SLC29A3: variants seen among roughly 807,000 people sequenced by gnomAD.
SLC29A3 encodes solute carrier family 29 member 3, also known as equilibrative nucleoside transporter 3.
SLC29A3 carries 18 observed loss-of-function variants against 25.4 expected under a neutral mutation model. That is an observed-to-expected ratio of 0.71 (90% CI 0.49 to 1.05). The LOEUF (loss-of-function observed/expected upper bound fraction) is 1.05, where lower values mean the gene tolerates loss of function less well. SLC29A3 is among the 50% of genes least tolerant of loss of function. The pLI, the probability that SLC29A3 is intolerant of heterozygous loss-of-function variation, is 0.00. For synonymous variants in SLC29A3, 258 were observed against 267.1 expected, an observed-to-expected ratio of 0.97 and a Z score of 0.33; for missense variants, 586 against 609.0, an observed-to-expected ratio of 0.96 and a Z score of 0.40.
At chr10:71,357,209 A>C (rs2131845759) in intron 5 of SLC29A3, among the ~76,000 whole-genome samples, 1 of 152,148 alleles carries the variant, frequency 6.6e-6, no homozygotes, top group South Asian at 2.1e-4. Flanking sequence ...AGGTCAGGAG[A>C]TCGAGACCAT....
chr10:71,319,648 T>C, intron 1 of SLC29A3: 1 of 302,712 alleles, frequency 3.3e-6, no homozygotes, highest in Non-Finnish European at 6.0e-6. Flanking sequence ...CTGCGGGGCC[T>C]GAGGCTGGGG....
chr10:71,351,381 C>T (rs1400103723), intron 3 of SLC29A3, among the ~76,000 whole-genome samples, 181 bp from the exon 4 acceptor site: 1 of 152,230 alleles, frequency 6.6e-6, no homozygotes, highest in Non-Finnish European at 1.5e-5. Context: ...AACTGAGTCC[C>T]TTACCCAAGG....
chr10:71,335,272 A>T (rs903733029), intron 2 of SLC29A3, among the ~76,000 whole-genome samples: 3 of 152,024 alleles, frequency 2.0e-5, no homozygotes, highest in African/African-American at 7.2e-5. Flanking sequence ...ACCCCTCTTT[A>T]GGCAGCTGCC....
intron 2 of SLC29A3, among the ~76,000 whole-genome samples, chr10:71,333,486 A>G (rs1199463867): frequency 6.6e-6 from 1 of 152,238 alleles, no homozygotes; most frequent in Non-Finnish European, 1.5e-5. Context: ...AGTGCCTGCC[A>G]GGGGTTGGCT....
In SLC29A3 at chr10:71,362,161, C is replaced by T. The variant is rs144433073; in HGVS notation, c.981C>T (p.Cys327=). 22 of 1,614,022 alleles carry T rather than the reference C, an allele frequency of 1.4e-5. No homozygotes were observed. The highest frequency in any genetic ancestry group is 1.9e-5 in the Non-Finnish European group (22 of 1,180,030). ...FITSLIYPAI[C]TNIESLNKGS... ...CCAGCCTCATCTACCCCGCCATCTG[C>T]ACCAACATCGAGTCCCTCAACAAGG... Residue 327 remains cysteine (C), a synonymous_variant, in exon 6 of 6, where the codon TGC becomes TGT. Transcript: ENST00000373189.
At chr10:71,375,242 A>G (rs1438685311) in intron 3 of SLC29A3, among the ~76,000 whole-genome samples, 1 of 152,178 alleles carries the variant, frequency 6.6e-6, no homozygotes, top group African/African-American at 2.4e-5. Context: ...TCCAAGGACT[A>G]CTGCGGCCAC....
chr10:71,359,252 G>C (rs529130858), intron 5 of SLC29A3, among the ~76,000 whole-genome samples: 10 of 152,294 alleles, frequency 6.6e-5, no homozygotes, highest in African/African-American at 2.4e-4. Flanking sequence ...CTAGGGTCTG[G>C]ATCTGTGGGC....
chr10:71,338,742 G>A (rs1846317932), intron 2 of SLC29A3, among the ~76,000 whole-genome samples: 1 of 152,130 alleles, frequency 6.6e-6, no homozygotes, highest in Non-Finnish European at 1.5e-5. Context: ...GAGCGACAGA[G>A]CGAGACTCTG....
intron 2 of SLC29A3, among the ~76,000 whole-genome samples, chr10:71,330,656 G>A (rs1306368740): frequency 6.6e-6 from 1 of 152,226 alleles, no homozygotes; most frequent in East Asian, 1.9e-4. Flanking sequence ...GACACAGGTA[G>A]GGTGGAAAGT....
At chr10:71,319,391 C>T in intron 1 of SLC29A3, 81 bp downstream of exon 1, 1 of 572,022 alleles carries the variant, frequency 1.7e-6, no homozygotes, top group Non-Finnish European at 3.1e-6. Context: ...CCCTCCCGGG[C>T]CCTGGGGGCG....
chr10:71,335,348 G>A (rs1846220168), intron 2 of SLC29A3, among the ~76,000 whole-genome samples: 1 of 152,194 alleles, frequency 6.6e-6, no homozygotes, highest in Admixed American at 6.5e-5. Context: ...TTCTCCAAGT[G>A]GAGCCCCCAA....
chr10:71,360,134 CTTTTTTTTTTTTTTTT>C (rs10532475), intron 5 of SLC29A3, among the ~76,000 whole-genome samples: 12 of 71,456 alleles, frequency 1.7e-4, no homozygotes, highest in African/African-American at 5.7e-4. Flanking sequence ...TCTTCTTCTT[CTTTTTTTTTTTTTTTT>C]TTTTTTTTTT....
intron 2 of SLC29A3, among the ~76,000 whole-genome samples, chr10:71,338,650 G>A (rs139541507): frequency 0.019 from 2,964 of 152,200 alleles, 115 homozygotes; most frequent in African/African-American, 0.068. Flanking sequence ...CCAGCTACTC[G>A]GGAGGCTGAG....
intron 1 of SLC29A3, among the ~76,000 whole-genome samples, chr10:71,321,368 C>G (rs529822008): frequency 6.6e-6 from 1 of 152,322 alleles, no homozygotes; most frequent in African/African-American, 2.4e-5. Flanking sequence ...TTGAGTTAGG[C>G]TTAGCCTCCT....
intron 3 of SLC29A3, among the ~76,000 whole-genome samples, chr10:71,351,034 C>T (rs111729383): frequency 6.6e-5 from 10 of 152,296 alleles, no homozygotes; most frequent in East Asian, 3.9e-4. Flanking sequence ...ATGAAGATGA[C>T]GACGATGATT....
intron 2 of SLC29A3, among the ~76,000 whole-genome samples, chr10:71,328,358 C>G (rs1192766033): frequency 6.6e-6 from 1 of 152,204 alleles, no homozygotes; most frequent in Non-Finnish European, 1.5e-5. Flanking sequence ...GGCTCCATGC[C>G]TGGGTCTTCA....
intron 2 of SLC29A3, among the ~76,000 whole-genome samples, chr10:71,328,392 A>G (rs1413933764): frequency 1.3e-5 from 2 of 151,998 alleles, no homozygotes; most frequent in African/African-American, 4.8e-5. Context: ...CTTCCCCATC[A>G]CGTTCCTGCC....
intron 3 of SLC29A3, among the ~76,000 whole-genome samples, chr10:71,369,654 G>A (rs1054385767): frequency 2.0e-5 from 3 of 152,224 alleles, no homozygotes; most frequent in Non-Finnish European, 4.4e-5. Context: ...CTTGGGAGCA[G>A]GCCCTGCTTC....
chr10:71,372,888 A>G (rs1847221837), intron 3 of SLC29A3, among the ~76,000 whole-genome samples: 2 of 151,906 alleles, frequency 1.3e-5, no homozygotes, highest in Non-Finnish European at 2.9e-5. Flanking sequence ...GCCCAACACC[A>G]TCAATATTGA....
Sources: allele counts gnomAD v4.1 joint callset (sites outside exome capture counted in the v4.1 genomes callset), GRCh38; gene constraint gnomAD v4.1.1; transcripts MANE v1.5; gene names NCBI Gene and HGNC (gene_info 2026-07-23, HGNC 2026-07-21).